The following LRRIQ1 variants were observed in gnomAD, a reference collection of about 807,000 sequenced individuals.
The protein encoded by LRRIQ1 is leucine rich repeats and IQ motif containing 1.
In LRRIQ1, 210 loss-of-function variants were observed where a neutral mutation model predicts 211.9. The observed-to-expected ratio is 0.99, with a 90% CI of 0.89 to 1.11. The LOEUF (loss-of-function observed/expected upper bound fraction) is 1.11, where lower values mean the gene tolerates loss of function less well. Among genes scored for constraint, LRRIQ1 ranks in the 50% most tolerant of loss-of-function variants. LRRIQ1 has a pLI of 0.00. For synonymous variants in LRRIQ1, 699 were observed against 650.1 expected, an observed-to-expected ratio of 1.08 and a Z score of -1.14; for missense variants, 2,136 against 1,939.5, an observed-to-expected ratio of 1.10 and a Z score of -1.90.
intron 18 of LRRIQ1, among the ~76,000 whole-genome samples, chr12:85,135,629 C>G (rs1249141400): frequency 1.7e-5 from 2 of 118,088 alleles, no homozygotes; most frequent in Admixed American, 9.3e-5. Flanking sequence ...TTAATGAGGT[C>G]TCCTAGCATT....
chr12:85,093,161 A>G (rs768025326), intron 11 of LRRIQ1, among the ~76,000 whole-genome samples: 33 of 152,296 alleles, frequency 2.2e-4, no homozygotes, highest in Non-Finnish European at 4.4e-4. Context: ...TTGTCAACCA[A>G]CACAACAGCT....
intron 18 of LRRIQ1, among the ~76,000 whole-genome samples, chr12:85,135,203 T>C (rs751101982): frequency 3.4e-4 from 51 of 152,148 alleles, no homozygotes; most frequent in South Asian, 6.2e-4. Flanking sequence ...CCTATAGGGT[T>C]TTCCAATTTC....
chr12:85,068,038 C>G (rs1447360467), intron 10 of LRRIQ1, among the ~76,000 whole-genome samples: 1 of 151,912 alleles, frequency 6.6e-6, no homozygotes, highest in Admixed American at 6.6e-5. Context: ...TTGTATTATT[C>G]ACCTCCTGGC....
At chr12:85,069,887 G>T (rs1457088907) in intron 10 of LRRIQ1, among the ~76,000 whole-genome samples, 4 of 151,942 alleles carry the variant, frequency 2.6e-5, no homozygotes, top group African/African-American at 9.7e-5. Context: ...CATTCTGTAG[G>T]TTGCCTGTTC....
At position 85,152,375 on chromosome 12, in the gene LRRIQ1, A is replaced by G. The variant is rs755156865; in HGVS notation, c.4419+6A>G. 6.2e-7 allele frequency: 1 copy of G among 1,607,060 alleles called. No homozygotes were observed. Among genetic ancestry groups the G allele is most frequent in the Middle Eastern group, 1.7e-4 (1 of 6,032 alleles). ...ACCAGCTGCATTGGCCAAAGGTAAC[A>G]TGTCATGGAAACTTCTGAGTCCTCG... On this transcript the variant is annotated splice_donor_region_variant and intron_variant, in intron 20 of 26. Coordinates refer to ENST00000393217, the MANE Select transcript of LRRIQ1 (RefSeq NM_001079910.2).
chr12:85,113,946 T>TGTGTGTGTGTGTGTGA, intron 15 of LRRIQ1, among the ~76,000 whole-genome samples: 2 of 147,284 alleles, frequency 1.4e-5, no homozygotes, highest in Non-Finnish European at 3.0e-5. Context: ...TGTGTGTGTG[T>TGTGTGTGTGTGTGTGA]GAAAGGCCAC....
chr12:85,053,800 T>C (rs1333340506), intron 7 of LRRIQ1, among the ~76,000 whole-genome samples: 3 of 152,126 alleles, frequency 2.0e-5, no homozygotes, highest in Non-Finnish European at 2.9e-5. Context: ...CTCCGCCTCC[T>C]GGGTTCACGC....
chr12:85,239,985 A>G (rs1895390590), intron 26 of LRRIQ1, among the ~76,000 whole-genome samples: 2 of 152,128 alleles, frequency 1.3e-5, no homozygotes, highest in African/African-American at 2.4e-5. Flanking sequence ...CTCCAAAAAA[A>G]GTAAAATATA....
chr12:85,262,815 T>C, intron 1 of LRRIQ1: 1 of 536,558 alleles, frequency 1.9e-6, no homozygotes, highest in Non-Finnish European at 2.4e-6. Flanking sequence ...ATCATAGACT[T>C]TTCAACTGCA....
intron 10 of LRRIQ1, among the ~76,000 whole-genome samples, chr12:85,071,704 G>A (rs1180044530): frequency 6.6e-6 from 1 of 151,978 alleles, no homozygotes; most frequent in East Asian, 1.9e-4. Context: ...ACACGGCTGG[G>A]GCCTCAAAAT....
In LRRIQ1 at chr12:85,176,394, A is replaced by G. The variant is rs1891700822; in HGVS notation, c.4822+15680A>G. ...TTTGCTGAAGTGGCGCATATACACCATGGAATACTATGCAGCCATAAAAAA... is the reference window on the plus strand; with the variant it reads ...TTTGCTGAAGTGGCGCATATACACCGTGGAATACTATGCAGCCATAAAAAA... On this transcript the variant is annotated intron_variant, in intron 24 of 26. Coordinates refer to ENST00000393217, the MANE Select transcript of LRRIQ1 (RefSeq NM_001079910.2). Among the ~76,000 whole-genome samples the G allele has an allele frequency of 3.9e-5, 6 of 152,064 alleles. No homozygotes were observed. The South Asian group carries it at 1.2e-3, about 32-fold the overall frequency.
At chr12:85,077,005 TACA>T (rs1337682074) in intron 11 of LRRIQ1, among the ~76,000 whole-genome samples, 1 of 152,186 alleles carries the variant, frequency 6.6e-6, no homozygotes, top group Non-Finnish European at 1.5e-5. Context: ...ACTCTTTCTA[TACA>T]ACATGTATAA....
intron 24 of LRRIQ1, among the ~76,000 whole-genome samples, chr12:85,188,145 TA>T (rs150098648): frequency 1.2e-3 from 174 of 142,394 alleles, no homozygotes; most frequent in Admixed American, 1.7e-3. Context: ...AAGCACTCAG[TA>T]AAAAAAAAAA....
intron 24 of LRRIQ1, among the ~76,000 whole-genome samples, chr12:85,197,015 A>T (rs1892954335): frequency 6.6e-6 from 1 of 150,946 alleles, no homozygotes; most frequent in Non-Finnish European, 1.5e-5. Context: ...AAAGTGGGCG[A>T]AGGACATGAA....
chr12:85,156,008 T>C (rs1890524985), intron 23 of LRRIQ1, among the ~76,000 whole-genome samples: 1 of 151,596 alleles, frequency 6.6e-6, no homozygotes, highest in African/African-American at 2.4e-5. Flanking sequence ...GGGTAACAAA[T>C]GAAAGAAAGT....
chr12:85,119,352 T>C (rs1447592940), intron 15 of LRRIQ1, among the ~76,000 whole-genome samples: 1 of 152,296 alleles, frequency 6.6e-6, no homozygotes, highest in South Asian at 2.1e-4. Context: ...CACTTCATTT[T>C]AGCACTGAAT....
At chr12:85,042,193 T>A (rs1293216162) in intron 3 of LRRIQ1, among the ~76,000 whole-genome samples, 1 of 151,724 alleles carries the variant, frequency 6.6e-6, no homozygotes, top group Non-Finnish European at 1.5e-5. Flanking sequence ...ACAACTACAG[T>A]TACAGCAGTG....
chr12:85,117,932 G>A (rs1471564864), intron 15 of LRRIQ1, among the ~76,000 whole-genome samples: 1 of 152,130 alleles, frequency 6.6e-6, no homozygotes, highest in African/African-American at 2.4e-5. Context: ...AGCTTCATCA[G>A]TAATACAGTA....
intron 24 of LRRIQ1, among the ~76,000 whole-genome samples, chr12:85,192,282 T>A (rs920809890): frequency 6.7e-6 from 1 of 149,514 alleles, no homozygotes; most frequent in African/African-American, 2.5e-5. Flanking sequence ...CCTGTGTTAG[T>A]TTGCTTAGGA....
Sources: gnomAD v4.1 joint callset for allele counts (sites outside exome capture counted in the v4.1 genomes callset) on GRCh38, gnomAD v4.1.1 for gene constraint, MANE v1.5 for transcripts, NCBI Gene and HGNC (gene_info 2026-07-23, HGNC 2026-07-21) for gene names.